The following CA1 variants were observed in gnomAD, a reference collection of about 807,000 sequenced individuals.
CA1 encodes the protein carbonic anhydrase 1, also known as carbonate dehydratase I.
A neutral mutation model predicts 28.8 loss-of-function variants in CA1; 27 were observed. The ratio of observed to expected loss-of-function variants is 0.94; its 90% confidence interval spans 0.69 to 1.29. CA1 has a LOEUF of 1.29. Ranked by LOEUF, CA1 falls within the 50% of genes most tolerant of loss-of-function variation. The pLI, the probability that CA1 is intolerant of heterozygous loss-of-function variation, is 0.00. For missense variants in CA1, 335 were observed against 310.5 expected (o/e 1.08, Z -0.59); for synonymous variants, 121 against 108.8 (o/e 1.11, Z -0.70).
In CA1 at chr8:85,327,858, G is replaced by A. The variant is rs1331407773; in HGVS notation, c.*702C>T. 6.6e-6 allele frequency: 1 copy of A among 152,174 alleles called. No individual in the cohort carries two copies. Among genetic ancestry groups the A allele is most frequent in the Admixed American group, 6.6e-5 (1 of 15,264 alleles). The allele number at this position is 152,174 out of a possible 1,614,324, so 9.4% of individuals were successfully genotyped here. On this transcript the variant is annotated 3_prime_UTR_variant, in exon 8 of 8. Transcript: ENST00000523022. ...TTGTGACTTTTCTTCCAATTTTAAA[G>A]TAAAGATTCTCCATGCAAACTAACT...
chr8:85,332,635 A>G (rs1043764502), intron 5 of CA1, 83 bp from the exon 6 acceptor site: 4 of 977,554 alleles, frequency 4.1e-6, no homozygotes, highest in Non-Finnish European at 6.5e-6. Context: ...TTTTTTTTCA[A>G]TTAACAACTG....
intron 1 of CA1, among the ~76,000 whole-genome samples, chr8:85,357,824 G>A (rs1178807577): frequency 1.3e-5 from 2 of 152,218 alleles, no homozygotes; most frequent in Non-Finnish European, 2.9e-5. Context: ...TGCATAGTGG[G>A]TTGGTCCCAA....
chr8:85,357,798 G>T (rs1407822489), intron 1 of CA1, among the ~76,000 whole-genome samples: 1 of 152,158 alleles, frequency 6.6e-6, no homozygotes, highest in African/African-American at 2.4e-5. Context: ...AAACCCCCAG[G>T]AGGGTAGAAA....
At position 85,345,102 on chromosome 8, in the gene CA1, A is replaced by T. The variant is rs904030528; in HGVS notation, c.-24-3443T>A. Reference sequence around the variant, plus strand: ...CTGATTAATCAACTGAAGTGGCAGGATGGGTTATCTGGATTTCACAGCTAT... The same window carrying T: ...CTGATTAATCAACTGAAGTGGCAGGTTGGGTTATCTGGATTTCACAGCTAT... On this transcript the variant is annotated intron_variant, in intron 1 of 7. Transcript: ENST00000523022. Among the ~76,000 whole-genome samples, 6 of 152,268 alleles carry T rather than the reference A, an allele frequency of 3.9e-5. No individual in the cohort carries two copies. The South Asian group carries it at 1.0e-3, about 26-fold the overall frequency.
chr8:85,352,446 TG>T (rs1218076961), intron 1 of CA1, among the ~76,000 whole-genome samples: 2 of 152,168 alleles, frequency 1.3e-5, no homozygotes, highest in African/African-American at 4.8e-5. Flanking sequence ...TAGGTTAGCT[TG>T]AATGTCCAAC....
At chr8:85,341,015 G>GT (rs1808898117) in intron 2 of CA1, 2 of 153,030 alleles carry the variant, frequency 1.3e-5, no homozygotes, top group African/African-American at 4.8e-5. Context: ...CGTGGTGGTG[G>GT]GCACCTGTAG....
intron 2 of CA1, 129 bp downstream of exon 2, chr8:85,341,470 T>A: frequency 2.9e-6 from 2 of 685,832 alleles, no homozygotes; most frequent in Non-Finnish European, 5.3e-6. Flanking sequence ...AAAGATAGTA[T>A]AATTATTTAA....
chr8:85,335,661 A>T (rs6985726), intron 4 of CA1, among the ~76,000 whole-genome samples: 32 of 152,306 alleles, frequency 2.1e-4, no homozygotes, highest in African/African-American at 6.3e-4. Context: ...AGCATGGATT[A>T]TATTGATTTT....
chr8:85,358,038 T>C (rs2130326544), intron 1 of CA1, among the ~76,000 whole-genome samples: 1 of 152,324 alleles, frequency 6.6e-6, no homozygotes, highest in South Asian at 2.1e-4. Context: ...CAACTCTATC[T>C]TCATTAGCAT....
rs375229209 is a variant in CA1 at position 85,330,804 on chromosome 8, ACT to A, written c.514-962_514-961del. On this transcript the variant is annotated intron_variant, in intron 6 of 7. Transcript: ENST00000523022. ...AGTCATTCTTGTATTTTTGGGATAA[ACT>A]CTACTAGTTCAGAAACTACTCTTTT... 2.6e-4 allele frequency among the ~76,000 whole-genome samples: 40 copies of A among 152,078 alleles called. 1 individual carries two copies. The South Asian group carries it at 7.9e-3, about 30-fold the overall frequency.
At chr8:85,353,811 A>AT (rs1809500603) in intron 1 of CA1, among the ~76,000 whole-genome samples, 1 of 152,162 alleles carries the variant, frequency 6.6e-6, no homozygotes, top group African/African-American at 2.4e-5. Context: ...TTCCTTGTAT[A>AT]TGGAGAGGAC....
intron 1 of CA1, among the ~76,000 whole-genome samples, chr8:85,346,595 C>T (rs941783280): frequency 1.3e-5 from 2 of 152,092 alleles, no homozygotes; most frequent in African/African-American, 4.8e-5. Flanking sequence ...AACCCCGTCT[C>T]TACTAAAATA....
intron 1 of CA1, among the ~76,000 whole-genome samples, chr8:85,361,429 C>G (rs1409048082): frequency 6.6e-6 from 1 of 152,136 alleles, no homozygotes; most frequent in Non-Finnish European, 1.5e-5. Flanking sequence ...GTAATCTCAG[C>G]ACTTTGGGAA....
intron 4 of CA1, among the ~76,000 whole-genome samples, 183 bp from the exon 5 acceptor site, chr8:85,333,803 C>A (rs1235957648): frequency 6.6e-6 from 1 of 152,132 alleles, no homozygotes; most frequent in African/African-American, 2.4e-5. Context: ...ATCTGTGTGC[C>A]AGGTAGAGAT....
intron 1 of CA1, among the ~76,000 whole-genome samples, chr8:85,360,570 G>A (rs532388491): frequency 6.6e-6 from 1 of 152,306 alleles, no homozygotes; most frequent in Admixed American, 6.5e-5. Context: ...GCATGTGCCT[G>A]TAGTCCCAGC....
intron 1 of CA1, among the ~76,000 whole-genome samples, chr8:85,350,668 C>T (rs1306183192): frequency 6.6e-6 from 1 of 152,150 alleles, no homozygotes. Context: ...CAGAACTAGT[C>T]TGGTGAGAAA....
chr8:85,377,815 G>A (rs966731500), intron 1 of CA1, among the ~76,000 whole-genome samples: 6 of 151,324 alleles, frequency 4.0e-5, no homozygotes, highest in African/African-American at 1.5e-4. Context: ...AAAAAAAAAA[G>A]GTAATTTATA....
At chr8:85,346,077 C>T (rs1031435384) in intron 1 of CA1, among the ~76,000 whole-genome samples, 5 of 152,060 alleles carry the variant, frequency 3.3e-5, no homozygotes, top group Admixed American at 6.6e-5. Context: ...ACAACCAAGT[C>T]AACTCTTTAT....
chr8:85,371,701 G>T (rs1810233821), intron 1 of CA1, among the ~76,000 whole-genome samples: 1 of 152,154 alleles, frequency 6.6e-6, no homozygotes, highest in African/African-American at 2.4e-5. Flanking sequence ...AATTTGCTGA[G>T]CGTGAGTGAA....
Sources: gnomAD v4.1 joint callset for allele counts (sites outside exome capture counted in the v4.1 genomes callset) on GRCh38, gnomAD v4.1.1 for gene constraint, MANE v1.5 for transcripts, NCBI Gene and HGNC (gene_info 2026-07-23, HGNC 2026-07-21) for gene names.